ZFHX3: variants seen among roughly 807,000 people sequenced by gnomAD.
ZFHX3 encodes zinc finger homeobox protein 3.
Under a neutral mutation model 279.1 loss-of-function variants are expected in ZFHX3, and 42 were observed. That is an observed-to-expected ratio of 0.15 (90% confidence interval 0.12 to 0.19). The LOEUF (loss-of-function observed/expected upper bound fraction) is 0.19, where lower values mean the gene tolerates loss of function less well. Among genes scored for constraint, ZFHX3 ranks in the 10% least tolerant of loss-of-function variants. The pLI, the probability that ZFHX3 is intolerant of heterozygous loss-of-function variation, is 1.00. For missense variants in ZFHX3, 4,981 were observed against 4,754.0 expected (o/e 1.05, Z -1.40); for synonymous variants, 2,293 against 1,957.8 (o/e 1.17, Z -4.52).
chr16:73,505,396 T>C (rs2019309025), intron 2 of ZFHX3, among the ~76,000 whole-genome samples: 1 of 152,102 alleles, frequency 6.6e-6, no homozygotes, highest in Admixed American at 6.5e-5. Flanking sequence ...ACTTTCTCTT[T>C]AGCTGATCTC....
At chr16:73,626,747 C>A (rs2052420860) in intron 2 of ZFHX3, among the ~76,000 whole-genome samples, 1 of 152,192 alleles carries the variant, frequency 6.6e-6, no homozygotes, top group Non-Finnish European at 1.5e-5. Context: ...TCCCATCCCC[C>A]ATTTTTCACT....
At chr16:73,139,536 A>C (rs1375213949) in intron 6 of ZFHX3, among the ~76,000 whole-genome samples, 4 of 152,240 alleles carry the variant, frequency 2.6e-5, no homozygotes, top group Non-Finnish European at 5.9e-5. Flanking sequence ...AGAGAAAAAA[A>C]GAACAGCCTT....
intron 1 of ZFHX3, among the ~76,000 whole-genome samples, chr16:73,754,063 T>C (rs1198678805): frequency 6.6e-6 from 1 of 151,252 alleles, no homozygotes; most frequent in African/African-American, 2.4e-5. Context: ...TCTTGTGTAT[T>C]TTGTCTTTCC....
chr16:72,827,481 T>C (rs982122771), intron 5 of ZFHX3, among the ~76,000 whole-genome samples: 3 of 152,150 alleles, frequency 2.0e-5, no homozygotes, highest in African/African-American at 7.2e-5. Flanking sequence ...GAGCCAGGAT[T>C]AGAAATCAAG....
At chr16:73,134,331 CTTTTTTTTTTTT>C (rs58052486) in intron 6 of ZFHX3, among the ~76,000 whole-genome samples, 24 of 50,320 alleles carry the variant, frequency 4.8e-4, no homozygotes, top group Admixed American at 1.2e-3. Context: ...CTCCCCACCT[CTTTTTTTTTTTT>C]TTTTTTTTTT....
chr16:73,688,664 A>T (rs890166401), intron 1 of ZFHX3, among the ~76,000 whole-genome samples: 1 of 152,142 alleles, frequency 6.6e-6, no homozygotes, highest in Non-Finnish European at 1.5e-5. Context: ...TACCCAGTGT[A>T]AGGTATTTTT....
At chr16:73,647,261 C>T (rs531839410) in intron 2 of ZFHX3, among the ~76,000 whole-genome samples, 3 of 152,170 alleles carry the variant, frequency 2.0e-5, no homozygotes, top group East Asian at 1.9e-4. Flanking sequence ...ATCTGCCGGC[C>T]TCAGCCTCCG....
intron 5 of ZFHX3, among the ~76,000 whole-genome samples, chr16:73,194,983 G>A (rs767421076): frequency 2.6e-5 from 4 of 152,138 alleles, no homozygotes; most frequent in East Asian, 3.9e-4. Flanking sequence ...CATACCCTTC[G>A]CTAGGATTCT....
intron 3 of ZFHX3, among the ~76,000 whole-genome samples, chr16:72,947,437 C>T (rs1002006004): frequency 6.6e-6 from 1 of 152,210 alleles, no homozygotes; most frequent in Admixed American, 6.5e-5. Context: ...CACTAGCATG[C>T]GTGACAGCAA....
intron 1 of ZFHX3, among the ~76,000 whole-genome samples, chr16:73,845,332 C>A (rs551826292): frequency 9.9e-5 from 15 of 152,206 alleles, no homozygotes; most frequent in Non-Finnish European, 4.4e-5. Flanking sequence ...CTACAAACTG[C>A]CTGTCTTTGA....
At chr16:73,537,665 G>A (rs1234446507) in intron 2 of ZFHX3, among the ~76,000 whole-genome samples, 1 of 152,154 alleles carries the variant, frequency 6.6e-6, no homozygotes. Context: ...GTGCTTAATG[G>A]GAAGGCGAAG....
chr16:73,325,928 A>ACACAAACACACACAC (rs1567451240), intron 3 of ZFHX3, among the ~76,000 whole-genome samples: 34 of 145,570 alleles, frequency 2.3e-4, no homozygotes, highest in East Asian at 1.2e-3. Context: ...CACACACACA[A>ACACAAACACACACAC]ACACACACAC....
chr16:72,989,251 G>A (rs959865250), intron 1 of ZFHX3, among the ~76,000 whole-genome samples: 14 of 152,014 alleles, frequency 9.2e-5, no homozygotes, highest in Middle Eastern at 3.4e-3. Flanking sequence ...TTGGGAGGCC[G>A]AAGCGGGTGG....
At chr16:73,720,039 T>C (rs1242470631) in intron 1 of ZFHX3, among the ~76,000 whole-genome samples, 1 of 152,166 alleles carries the variant, frequency 6.6e-6, no homozygotes, top group Non-Finnish European at 1.5e-5. Context: ...TAACAGGCAA[T>C]CTCAACAAAA....
intron 3 of ZFHX3, among the ~76,000 whole-genome samples, chr16:73,346,662 G>A (rs2016130053): frequency 6.6e-6 from 1 of 152,078 alleles, no homozygotes; most frequent in East Asian, 1.9e-4. Flanking sequence ...TGTAGAGATG[G>A]GGTTTCATCA....
At chr16:73,479,462 C>G (rs2018827208) in intron 2 of ZFHX3, among the ~76,000 whole-genome samples, 1 of 152,198 alleles carries the variant, frequency 6.6e-6, no homozygotes, top group African/African-American at 2.4e-5. Flanking sequence ...TGACATCCAG[C>G]TACTTCTGCC....
chr16:72,840,120 A>G (rs2037308349), intron 4 of ZFHX3, among the ~76,000 whole-genome samples: 1 of 148,400 alleles, frequency 6.7e-6, no homozygotes, highest in Non-Finnish European at 1.5e-5. Flanking sequence ...CTTATGCTTA[A>G]TGCAAAAAAA....
chr16:73,334,923 T>G (rs1442643310), intron 3 of ZFHX3, among the ~76,000 whole-genome samples: 1 of 151,096 alleles, frequency 6.6e-6, no homozygotes, highest in Non-Finnish European at 1.5e-5. Context: ...TTCTTGAGTT[T>G]GCCTGCTTTG....
intron 4 of ZFHX3, among the ~76,000 whole-genome samples, chr16:72,884,641 A>G (rs1283599135): frequency 6.6e-5 from 10 of 152,202 alleles, no homozygotes; most frequent in Non-Finnish European, 1.2e-4. Flanking sequence ...GGAGGAGGAG[A>G]AGGAGAAAGG....
Sources: gnomAD v4.1 joint callset for allele counts (sites outside exome capture counted in the v4.1 genomes callset) on GRCh38, gnomAD v4.1.1 for gene constraint, MANE v1.5 for transcripts, NCBI Gene and HGNC (gene_info 2026-07-23, HGNC 2026-07-21) for gene names.